Variants in ZNF346 observed in about 807,000 individuals in gnomAD.
ZNF346 encodes zinc finger protein 346, also known as double-stranded RNA-binding zinc finger protein JAZ.
A neutral mutation model predicts 33.7 loss-of-function variants in ZNF346; 23 were observed. The ratio of observed to expected loss-of-function variants is 0.68; its 90% CI spans 0.49 to 0.97. The LOEUF (loss-of-function observed/expected upper bound fraction) is 0.97, where lower values mean the gene tolerates loss of function less well. ZNF346 is among the 50% of genes least tolerant of loss of function. ZNF346 has a pLI of 0.00. For missense variants in ZNF346, 340 were observed against 371.1 expected (o/e 0.92, Z 0.69); for synonymous variants, 134 against 142.4 (o/e 0.94, Z 0.42).
At position 177,041,871 on chromosome 5, in the gene ZNF346, G is replaced by C. The variant is rs1244785069; in HGVS notation, c.372+1G>C. On this transcript the variant is annotated splice_donor_variant, in intron 3 of 6. Transcript: ENST00000358149. LOFTEE classifies it high-confidence loss of function. The stretch of plus-strand genomic sequence containing the variant: ...AACGAAGAAGCTAGACTCAGATCAG[G>C]TAATACAGCTGCCATATTGAGCCCA... 3.1e-6 allele frequency: 5 copies of C among 1,603,830 alleles called. No individual in the cohort carries two copies. Among genetic ancestry groups the C allele is most frequent in the Non-Finnish European group, 4.3e-6 (5 of 1,171,624 alleles).
At chr5:177,057,824 A>G (rs1278208263) in intron 5 of ZNF346, among the ~76,000 whole-genome samples, 1 of 149,626 alleles carries the variant, frequency 6.7e-6, no homozygotes, top group Non-Finnish European at 1.5e-5. Context: ...TTATTTATTT[A>G]TTTATTTATT....
At chr5:177,028,498 A>T (rs866323669) in intron 1 of ZNF346, among the ~76,000 whole-genome samples, 1 of 128,304 alleles carries the variant, frequency 7.8e-6, no homozygotes, top group Non-Finnish European at 1.6e-5. Context: ...GTGACGTTTT[A>T]TATATATATA....
chr5:177,039,524 G>A (rs926818538), intron 1 of ZNF346, among the ~76,000 whole-genome samples: 13 of 151,582 alleles, frequency 8.6e-5, no homozygotes, highest in Admixed American at 6.6e-5. Context: ...AACATGGCTT[G>A]CCATAGCCTT....
At chr5:177,071,969 C>T (rs975406131), downstream of ZNF346, among the ~76,000 whole-genome samples, 4 of 152,166 alleles carry the variant, frequency 2.6e-5, no homozygotes, top group African/African-American at 9.7e-5. Flanking sequence ...TATCAGAACG[C>T]AGTTCTGTAA....
At chr5:177,062,257 T>C in intron 6 of ZNF346, 106 bp downstream of exon 6, 3 of 849,290 alleles carry the variant, frequency 3.5e-6, no homozygotes, top group East Asian at 2.5e-5. Flanking sequence ...CCTGGCAGTC[T>C]TTTTTCAGTG....
intron 5 of ZNF346, among the ~76,000 whole-genome samples, chr5:177,057,459 G>A (rs965433789): frequency 1.3e-5 from 2 of 151,800 alleles, no homozygotes; most frequent in Non-Finnish European, 1.5e-5. Flanking sequence ...GTTCTCAGCC[G>A]GGCGTGGTGG....
intron 8 of ZNF346, among the ~76,000 whole-genome samples, chr5:177,073,760 T>G (rs1351850361): frequency 7.7e-6 from 1 of 130,032 alleles, no homozygotes; most frequent in East Asian, 2.6e-4. Flanking sequence ...AATCATTGCC[T>G]CCCTGTGCCT....
chr5:177,025,913 C>G (rs1036328643), intron 1 of ZNF346, among the ~76,000 whole-genome samples: 1 of 151,926 alleles, frequency 6.6e-6, no homozygotes, highest in Non-Finnish European at 1.5e-5. Context: ...ATGTATTGTG[C>G]TTTAGTGTCA....
In ZNF346 at chr5:177,062,405, A is replaced by G. The variant is rs58266572; in HGVS notation, c.797+254A>G. ...ACATGATTTCCTTGGTGGGACCCTA[A>G]GAACACCTGGCTGTCCTAGTCTGTA... On this transcript the variant is annotated intron_variant, in intron 6 of 6. Coordinates refer to ENST00000358149, the MANE Select transcript of ZNF346 (RefSeq NM_012279.4). 7.2e-3 allele frequency among the ~76,000 whole-genome samples: 1,094 copies of G among 152,332 alleles called. 12 individuals carry two copies. The highest frequency in any genetic ancestry group is 0.024 in the African/African-American group (1,008 of 41,576).
intron 5 of ZNF346, among the ~76,000 whole-genome samples, chr5:177,061,312 G>A (rs573315233): frequency 5.3e-5 from 8 of 152,016 alleles, no homozygotes; most frequent in African/African-American, 1.4e-4. Flanking sequence ...GGGTGTGGTG[G>A]CACATGCCTG....
chr5:177,022,981 C>T, intron 1 of ZNF346, 68 bp downstream of exon 1: 2 of 1,437,664 alleles, frequency 1.4e-6, no homozygotes, highest in Non-Finnish European at 1.8e-6. Flanking sequence ...ACTGCGGAAG[C>T]GCCGACGGTC....
intron 1 of ZNF346, among the ~76,000 whole-genome samples, chr5:177,039,472 CAG>C (rs1288254028): frequency 4.0e-5 from 6 of 150,314 alleles, no homozygotes; most frequent in African/African-American, 7.4e-5. Flanking sequence ...TTTTTTAAGA[CAG>C]GGGCTTGCTC....
At chr5:177,042,125 A>G (rs1253073161) in intron 3 of ZNF346, 3 of 368,450 alleles carry the variant, frequency 8.1e-6, no homozygotes, top group Non-Finnish European at 1.5e-5. Flanking sequence ...AGCCTGGCAC[A>G]TAGTAGGGAC....
intron 1 of ZNF346, among the ~76,000 whole-genome samples, chr5:177,039,350 C>T (rs1323905874): frequency 1.3e-5 from 2 of 152,116 alleles, no homozygotes; most frequent in African/African-American, 2.4e-5. Flanking sequence ...GGCAGAAATA[C>T]AGCCCTTCTG....
At chr5:177,057,077 G>A (rs544695347) in intron 5 of ZNF346, among the ~76,000 whole-genome samples, 14 of 152,188 alleles carry the variant, frequency 9.2e-5, no homozygotes, top group Admixed American at 2.6e-4. Flanking sequence ...TTGGGAGGCC[G>A]AGGCGGGTGG....
In ZNF346 at chr5:177,032,310, TG is replaced by T. The variant is rs1581803422; in HGVS notation, c.176-8815del. Among the ~76,000 whole-genome samples the T allele has an allele frequency of 3.3e-5, 5 of 150,838 alleles. No homozygotes were observed. The East Asian group carries it at 9.7e-4, about 29-fold the overall frequency. ...TGAGCCACTGCACCCAGCCTTTTTTTGTTTTTGTTTTTGTTTTTAGACAGAG... is the reference window on the plus strand; with the variant it reads ...TGAGCCACTGCACCCAGCCTTTTTTTTTTTTGTTTTTGTTTTTAGACAGAG... On this transcript the variant is annotated intron_variant, in intron 1 of 6. Coordinates refer to ENST00000358149, the MANE Select transcript of ZNF346 (RefSeq NM_012279.4).
chr5:177,028,599 C>G (rs1581786302), intron 1 of ZNF346, among the ~76,000 whole-genome samples: 1 of 142,748 alleles, frequency 7.0e-6, no homozygotes, highest in Admixed American at 7.2e-5. Flanking sequence ...AGAGTATCTT[C>G]TGTTAAAATA....
chr5:177,027,412 TTGTGTTTTTGTAAAAATACAAACA>T (rs1442675433), intron 1 of ZNF346, among the ~76,000 whole-genome samples: 3 of 151,860 alleles, frequency 2.0e-5, no homozygotes, highest in Admixed American at 2.0e-4. Context: ...TTTGTAAAAT[TTGTGTTTTTGTAAAAATACAAACA>T]TTAGCCAGGT....
chr5:177,040,299 C>T (rs1779167759), intron 1 of ZNF346, among the ~76,000 whole-genome samples: 1 of 152,040 alleles, frequency 6.6e-6, no homozygotes, highest in Non-Finnish European at 1.5e-5. Context: ...CAGGTTAATA[C>T]CATGTTTCAT....
Sources: allele counts gnomAD v4.1 joint callset (sites outside exome capture counted in the v4.1 genomes callset), GRCh38; gene constraint gnomAD v4.1.1; transcripts MANE v1.5; gene names NCBI Gene and HGNC (gene_info 2026-07-23, HGNC 2026-07-21).